Variants in MAP4K2 observed in about 807,000 individuals in gnomAD.
MAP4K2 encodes the protein mitogen-activated protein kinase kinase kinase kinase 2, also known as B lymphocyte serine/threonine protein kinase.
Under a neutral mutation model 125.3 loss-of-function variants are expected in MAP4K2, and 85 were observed. That is an observed-to-expected ratio of 0.68 (90% CI 0.57 to 0.81). MAP4K2 has a LOEUF of 0.81. Among genes scored for constraint, MAP4K2 ranks in the 40% least tolerant of loss-of-function variants. The pLI, the probability that MAP4K2 is intolerant of heterozygous loss-of-function variation, is 0.00. For missense variants in MAP4K2, 923 were observed against 1,056.4 expected, an observed-to-expected ratio of 0.87 and a Z score of 1.75; for synonymous variants, 479 against 445.1, an observed-to-expected ratio of 1.08 and a Z score of -0.96.
chr11:64,801,809 C>T (rs1427832359), intron 5 of MAP4K2, 52 bp from the exon 6 acceptor site: 1 of 1,593,010 alleles, frequency 6.3e-7, no homozygotes, highest in Non-Finnish European at 8.6e-7. Flanking sequence ...TGTCCCACCT[C>T]CCCAAACCCC....
rs1439579014 is a variant in MAP4K2, at chr11:64,787,250, C to T, written c.*2287G>A. 2 of 151,930 alleles carry T rather than the reference C, an allele frequency of 1.3e-5. No homozygotes were observed. The highest frequency in any genetic ancestry group is 6.6e-5 in the Admixed American group (1 of 15,234). 9.4% of individuals were successfully genotyped at this position (151,930 alleles called of 1,614,324 possible). On this transcript the variant is annotated 3_prime_UTR_variant, in exon 32 of 32. Coordinates refer to ENST00000294066, the MANE Select transcript of MAP4K2 (RefSeq NM_004579.5). ...TTCACCATGTTGGCCAGGCTGGTCTCGAACCCCTGACCTCGTGATTCGCCC... is the reference window on the plus strand; with the variant it reads ...TTCACCATGTTGGCCAGGCTGGTCTTGAACCCCTGACCTCGTGATTCGCCC...
rs1045468849 is a variant in MAP4K2, at chr11:64,791,229, T to C, written c.2092+680A>G. 1.4e-4 allele frequency among the ~76,000 whole-genome samples: 21 copies of C among 152,124 alleles called. 1 individual carries two copies. Among genetic ancestry groups the C allele is most frequent in the Non-Finnish European group, 7.3e-5 (5 of 68,028 alleles). On this transcript the variant is annotated intron_variant, in intron 27 of 31. Transcript: ENST00000294066. ...GGTGCCTTAACTACGTGCGCCCTCC[T>C]TTCTCCCTTACCCATCACTGCTCAT...
rs1469291508 is a variant in MAP4K2 at position 64,796,677 on chromosome 11, T to C, written c.1529A>G (p.Tyr510Cys). ...ATGCAGTTCATGCAGGTTGAGTGTG[T>C]AGATGCCTTCCTCGGCCCCTACCAC... ...FLVVGAEEGI[Y>C]TLNLHELHED... The change falls in exon 22 of 32, where the codon TAC becomes TGC. Residue 510 changes from tyrosine to cysteine, a missense_variant. Tyr to Cys is a radical substitution (Grantham distance 194). Transcript: ENST00000294066. 1 of 1,614,000 alleles carries C rather than the reference T, an allele frequency of 6.2e-7. No homozygotes were observed. Among genetic ancestry groups the C allele is most frequent in the Non-Finnish European group, 8.5e-7 (1 of 1,180,050 alleles).
chr11:64,795,295 G>A (rs1455374609), intron 24 of MAP4K2, among the ~76,000 whole-genome samples: 2 of 151,704 alleles, frequency 1.3e-5, no homozygotes, highest in Non-Finnish European at 2.9e-5. Flanking sequence ...TATTAGCCAG[G>A]CTGGTCGTAA....
intron 4 of MAP4K2, 114 bp from the exon 5 acceptor site, chr11:64,802,235 C>T (rs763995629): frequency 4.5e-5 from 50 of 1,105,420 alleles, no homozygotes; most frequent in Admixed American, 2.7e-4. Context: ...GTGTTGGCCA[C>T]GTCCCCTCCC....
At position 64,786,832 on chromosome 11, in the gene MAP4K2, A is replaced by C. The variant is rs569475476; in HGVS notation, c.*2705T>G. 3.3e-5 allele frequency: 5 copies of C among 152,030 alleles called. No individual in the cohort carries two copies. The highest frequency in any genetic ancestry group is 9.7e-5 in the African/African-American group (4 of 41,368). 9.4% of individuals were successfully genotyped at this position (152,030 alleles called of 1,614,324 possible). ...GTAAAAACAACTCAAATTTCCACCA[A>C]TAGGGATCTCACTGCAGGTCATTAA... On this transcript the variant is annotated 3_prime_UTR_variant, in exon 32 of 32. Transcript: ENST00000294066.
chr11:64,801,442 C>T, intron 7 of MAP4K2, 137 bp downstream of exon 7: 1 of 1,039,598 alleles, frequency 9.6e-7, no homozygotes, highest in Admixed American at 2.2e-5. Flanking sequence ...GGAGGGAGTA[C>T]CGTTCCATCT....
At position 64,802,185 on chromosome 11, in the gene MAP4K2, C is replaced by G. The variant is rs1941232533; in HGVS notation, c.311-64G>C. 2.7e-6 allele frequency: 4 copies of G among 1,459,124 alleles called. No individual in the cohort carries two copies. The Admixed American group carries it at 7.1e-5, about 26-fold the overall frequency. The allele number at this position is 1,459,124 out of a possible 1,614,324, so 90.4% of individuals were successfully genotyped here. ...GGTCATGCCCACCCTCCCAGGCTAC[C>G]GTGTGTGGGAAAAGCAGCAGGCACT... is the stretch of plus-strand genomic sequence containing the variant. On this transcript the variant is annotated intron_variant, in intron 4 of 31. Transcript: ENST00000294066.
intron 7 of MAP4K2, 71 bp from the exon 8 acceptor site, chr11:64,801,254 C>T (rs1308902027): frequency 4.5e-6 from 7 of 1,544,304 alleles, no homozygotes; most frequent in Non-Finnish European, 6.2e-6. Context: ...AGGGCTCTGG[C>T]TCGGCTGCAC....
chr11:64,791,974 C>T lies in MAP4K2; in HGVS notation c.2027G>A (p.Cys676Tyr). The change falls in exon 27 of 32, where the codon TGC (cysteine) becomes TAC (tyrosine). Residue 676 changes from cysteine (C) to tyrosine (Y), a missense_variant. Around this residue, in one of 2 missense-constraint regions of MAP4K2, gnomAD observed 833 missense variants for 911.4 expected, o/e 0.91. Coordinates refer to ENST00000294066, the MANE Select transcript of MAP4K2 (RefSeq NM_004579.5). ...GGGCAGGACATGGAACAGGACGCGGCAGCCGGGCCCCTCAGGCCCCTCGGC... is the reference window on the plus strand; with the variant it reads ...GGGCAGGACATGGAACAGGACGCGGTAGCCGGGCCCCTCAGGCCCCTCGGC... The part of the protein sequence containing the change: ...VGAEGPEGPG[C>Y]RVLFHVLPLE... The T allele has an allele frequency of 1.2e-6, 2 of 1,604,654 alleles. No individual in the cohort carries two copies. Among genetic ancestry groups the T allele is most frequent in the Non-Finnish European group, 1.7e-6 (2 of 1,176,252 alleles).
At position 64,796,551 on chromosome 11, in the gene MAP4K2, C is replaced by A; in HGVS notation, c.1575G>T (p.Leu525=). 6.2e-7 allele frequency: 1 copy of A among 1,613,980 alleles called. No individual in the cohort carries two copies. The highest frequency in any genetic ancestry group is 8.5e-7 in the Non-Finnish European group (1 of 1,180,050). The stretch of plus-strand genomic sequence containing the variant: ...AGAGCCAGGAGCAGCGATGTGAAAT[C>A]AGCTGGAGGCCACAGAGGGACAGAT... ...HELHEDTLEK[L]ISHRCSWLYC... is the part of the protein sequence containing the mutation. Residue 525 remains leucine (L), a splice_region_variant and synonymous_variant, in exon 23 of 32, where the codon CTG becomes CTT. Transcript: ENST00000294066.
rs1940313508 is a variant in MAP4K2 at position 64,788,868 on chromosome 11, T to A, written c.*669A>T. ...CTGGATGAGAGTCCCTTTGTTGAGGTCCCCCCATCTGCATGAGTCCTTGGG... is the reference window on the plus strand; with the variant it reads ...CTGGATGAGAGTCCCTTTGTTGAGGACCCCCCATCTGCATGAGTCCTTGGG... On this transcript the variant is annotated 3_prime_UTR_variant, in exon 32 of 32. Transcript: ENST00000294066. The A allele has an allele frequency of 6.6e-6, 1 of 152,298 alleles. No individual in the cohort carries two copies. The highest frequency in any genetic ancestry group is 1.5e-5 in the Non-Finnish European group (1 of 68,284). 9.4% of individuals were successfully genotyped at this position (152,298 alleles called of 1,614,324 possible).
At chr11:64,798,685 T>A in intron 15 of MAP4K2, 109 bp downstream of exon 15, 2 of 1,196,716 alleles carry the variant, frequency 1.7e-6, no homozygotes, top group South Asian at 1.3e-5. Context: ...TCCACCCACC[T>A]CAGCCTCCTA....
chr11:64,801,662 G>A (rs1941179131), intron 6 of MAP4K2, 41 bp from the exon 7 acceptor site: 11 of 1,613,724 alleles, frequency 6.8e-6, no homozygotes, highest in Non-Finnish European at 9.3e-6. Context: ...TGGTGCCCCC[G>A]AGGGCCTCCT....
chr11:64,801,858 C>T (rs1565626697), intron 5 of MAP4K2, 101 bp from the exon 6 acceptor site: 3 of 1,273,454 alleles, frequency 2.4e-6, no homozygotes, highest in Non-Finnish European at 3.4e-6. Flanking sequence ...CTGCTTCTTC[C>T]TCCCCTCTCC....
Position 64,796,696 on chromosome 11 carries a change from C to T in MAP4K2, c.1510G>A (p.Gly504Arg). 6.2e-7 allele frequency: 1 copy of T among 1,613,956 alleles called. No homozygotes were observed. The highest frequency in any genetic ancestry group is 8.5e-7 in the Non-Finnish European group (1 of 1,179,998). ...PVTRDQFLVV[G>R]AEEGIYTLNL... ...AGTGTGTAGATGCCTTCCTCGGCCCCTACCACCAGGAACTGGTCTGCCAGT... is the reference window on the plus strand; with the variant it reads ...AGTGTGTAGATGCCTTCCTCGGCCCTTACCACCAGGAACTGGTCTGCCAGT... The change falls in exon 22 of 32, where the codon GGG (glycine) becomes AGG (arginine). Residue 504 changes from glycine to arginine, a missense_variant. Transcript: ENST00000294066.
At position 64,789,510 on chromosome 11, in the gene MAP4K2, G is replaced by A; in HGVS notation, c.*27C>T. 6.4e-7 allele frequency: 1 copy of A among 1,554,380 alleles called. No homozygotes were observed. The highest frequency in any genetic ancestry group is 1.2e-5 in the South Asian group (1 of 84,482). On this transcript the variant is annotated 3_prime_UTR_variant, in exon 32 of 32. Coordinates refer to ENST00000294066, the MANE Select transcript of MAP4K2 (RefSeq NM_004579.5). ...TGCAGCTAAGGCGTGGGGTGGGGCG[G>A]GGAGCCCCTGGACAGGCCCGCTGCT...
chr11:64,800,024 A>G, intron 12 of MAP4K2, 85 bp downstream of exon 12: 1 of 1,121,522 alleles, frequency 8.9e-7, no homozygotes, highest in Non-Finnish European at 1.3e-6. Flanking sequence ...GAATGGTGCC[A>G]GTTAAAGGAC....
chr11:64,802,337 G>A, intron 4 of MAP4K2, 82 bp downstream of exon 4: 1 of 1,405,080 alleles, frequency 7.1e-7, no homozygotes, highest in Non-Finnish European at 9.7e-7. Flanking sequence ...CAAGTCCAGG[G>A]CCCAGAGTCC....
Sources: gnomAD v4.1 joint callset for allele counts (sites outside exome capture counted in the v4.1 genomes callset) on GRCh38, gnomAD v4.1.1 for gene constraint, gnomAD v4.1.1 regional missense constraint, MANE v1.5 for transcripts, NCBI Gene and HGNC (gene_info 2026-07-23, HGNC 2026-07-21) for gene names.